The following IAH1 variants were observed in gnomAD, a reference collection of about 807,000 sequenced individuals.
IAH1 encodes isoamyl acetate hydrolyzing esterase 1 (putative).
A neutral mutation model predicts 26.7 loss-of-function variants in IAH1; 24 were observed. The observed-to-expected ratio is 0.90, with a 90% CI of 0.65 to 1.26. IAH1 has a LOEUF of 1.26. Among genes scored for constraint, IAH1 ranks in the 50% most tolerant of loss-of-function variants. IAH1 has a pLI of 0.00. For synonymous variants in IAH1, 140 were observed against 118.5 expected, an observed-to-expected ratio of 1.18 and a Z score of -1.18; for missense variants, 300 against 299.9, an observed-to-expected ratio of 1.00 and a Z score of 0.00.
At chr2:9,484,110 C>G (rs1661342881) in intron 4 of IAH1, among the ~76,000 whole-genome samples, 1 of 152,152 alleles carries the variant, frequency 6.6e-6, no homozygotes, top group Admixed American at 6.6e-5. Flanking sequence ...CGGCACTCTC[C>G]AAGCAGCCCA....
At chr2:9,478,197 A>G in intron 2 of IAH1, 25 bp from the exon 3 acceptor site, 1 of 1,588,852 alleles carries the variant, frequency 6.3e-7, no homozygotes, top group Middle Eastern at 1.7e-4. Context: ...CCCACAATTC[A>G]TCTTTTTAAA....
At chr2:9,497,374 G>A (rs1023949784), downstream of IAH1, 31 of 1,233,128 alleles carry the variant, frequency 2.5e-5, no homozygotes, top group Non-Finnish European at 3.5e-5. Context: ...GTGACCTACA[G>A]AGCTAGGACA....
At chr2:9,497,684 T>C (rs1446982973), downstream of IAH1, among the ~76,000 whole-genome samples, 3 of 152,328 alleles carry the variant, frequency 2.0e-5, no homozygotes, top group East Asian at 3.9e-4. Flanking sequence ...GTTCCTTCAA[T>C]ATTAACAGAT....
At chr2:9,501,521 G>A (rs1262937744), downstream of IAH1, among the ~76,000 whole-genome samples, 1 of 152,198 alleles carries the variant, frequency 6.6e-6, no homozygotes, top group Non-Finnish European at 1.5e-5. Flanking sequence ...GGCAATGGAA[G>A]TAGCTACCAC....
At position 9,475,983 on chromosome 2, in the gene IAH1, C is replaced by T. The variant is rs1296714836; in HGVS notation, c.82-4C>T. ...GTAGTAATAATGGGCTTTTCTTCCT[C>T]CAGTTTTCCTTCCAGCAGGGTGGAT... On this transcript the variant is annotated splice_polypyrimidine_tract_variant and splice_region_variant and intron_variant, in intron 1 of 5. Coordinates refer to ENST00000497473, the MANE Select transcript of IAH1 (RefSeq NM_001039613.3). The T allele has an allele frequency of 6.2e-7, 1 of 1,613,298 alleles. No homozygotes were observed. The highest frequency in any genetic ancestry group is 8.5e-7 in the Non-Finnish European group (1 of 1,179,712).
the IAH1 span, chr2:9,510,144 G>T: frequency 6.2e-7 from 1 of 1,613,740 alleles, no homozygotes; most frequent in South Asian, 1.1e-5. Context: ...TAAGGATCAT[G>T]CAAAGAAAAC....
At chr2:9,483,353 C>T (rs1186135528) in intron 4 of IAH1, among the ~76,000 whole-genome samples, 4 of 152,198 alleles carry the variant, frequency 2.6e-5, no homozygotes, top group Non-Finnish European at 4.4e-5. Flanking sequence ...AGGTGATCTT[C>T]TTGCCTCAGC....
At chr2:9,510,051 G>T in the IAH1 span, 1 of 1,613,984 alleles carries the variant, frequency 6.2e-7, no homozygotes, top group Non-Finnish European at 8.5e-7. Context: ...CCTCATTCGG[G>T]GCACATTCTG....
the IAH1 span, chr2:9,505,435 T>C: frequency 1.4e-6 from 2 of 1,475,752 alleles, no homozygotes; most frequent in Non-Finnish European, 9.4e-7. Context: ...AATGTTTGTG[T>C]CTTCTCTAGA....
intron 5 of IAH1, 26 bp from the exon 6 acceptor site, chr2:9,488,121 C>G (rs750799147): frequency 2.6e-6 from 4 of 1,551,586 alleles, no homozygotes; most frequent in East Asian, 2.3e-5. Flanking sequence ...AGTTACCCAC[C>G]TTTAACCGAT....
rs556337524 is a variant in IAH1, at chr2:9,487,809, T to C, written c.565-338T>C. On this transcript the variant is annotated intron_variant, in intron 5 of 5. Transcript: ENST00000497473. ...CTTTTTGTGTGTGTGTGTGTGTGTGTGTGTGTGTGTGTGTGTGTGTGTGTG... is the reference window on the plus strand; with the variant it reads ...CTTTTTGTGTGTGTGTGTGTGTGTGCGTGTGTGTGTGTGTGTGTGTGTGTG... 3.5e-3 allele frequency among the ~76,000 whole-genome samples: 327 copies of C among 92,864 alleles called. 1 individual carries two copies. Among genetic ancestry groups the C allele is most frequent in the Non-Finnish European group, 5.6e-3 (225 of 40,044 alleles). The allele number at this position is 92,864 out of a possible 152,430, so 60.9% of individuals were successfully genotyped here.
chr2:9,506,163 T>C, the IAH1 span, among the ~76,000 whole-genome samples: 2 of 152,010 alleles, frequency 1.3e-5, no homozygotes, highest in East Asian at 3.9e-4. Context: ...TCCAAAGTGC[T>C]CTGCAGATGC....
downstream of IAH1, among the ~76,000 whole-genome samples, chr2:9,497,469 C>T (rs55820761): frequency 2.7e-3 from 404 of 152,318 alleles, 13 homozygotes; most frequent in East Asian, 0.067. Context: ...CCCTGGCCTC[C>T]CAAGCCCCAG....
the IAH1 span, chr2:9,502,360 C>A: frequency 5.9e-6 from 7 of 1,194,170 alleles, no homozygotes; most frequent in South Asian, 9.0e-5. Flanking sequence ...GTTACAGTGA[C>A]CTGAAGATCA....
the IAH1 span, among the ~76,000 whole-genome samples, chr2:9,503,853 G>GA: frequency 4.0e-5 from 5 of 124,162 alleles, no homozygotes; most frequent in African/African-American, 1.7e-4. Context: ...AAAAAAAAAA[G>GA]AAATAAAAGA....
downstream of IAH1, chr2:9,490,542 AT>A (rs769600897): frequency 3.8e-6 from 6 of 1,592,322 alleles, no homozygotes; most frequent in South Asian, 6.8e-5. Flanking sequence ...GGTTCAATTG[AT>A]TGATAGGAAT....
At chr2:9,481,152 CTCTT>C (rs1403572542) in intron 3 of IAH1, 130 bp from the exon 4 acceptor site, 1 of 930,414 alleles carries the variant, frequency 1.1e-6, no homozygotes, top group Non-Finnish European at 1.6e-6. Flanking sequence ...AGAAAACCTT[CTCTT>C]TGTGTCCTTG....
chr2:9,503,199 T>C, the IAH1 span, among the ~76,000 whole-genome samples: 1 of 147,704 alleles, frequency 6.8e-6, no homozygotes, highest in Admixed American at 6.7e-5. Flanking sequence ...AGGCAATCCA[T>C]AGCTAAGACA....
Position 9,474,676 on chromosome 2 carries a change from G to A in IAH1, c.81+29G>A. 1 of 1,496,224 alleles carries A rather than the reference G, an allele frequency of 6.7e-7. No homozygotes were observed. Among genetic ancestry groups the A allele is most frequent in the East Asian group, 2.7e-5 (1 of 37,248 alleles). 92.7% of individuals were successfully genotyped at this position (1,496,224 alleles called of 1,614,324 possible). A position where few individuals can be genotyped will look rare whatever the true frequency, so the allele number is the denominator to read the frequency against. On this transcript the variant is annotated intron_variant, in intron 1 of 5. Coordinates refer to ENST00000497473, the MANE Select transcript of IAH1 (RefSeq NM_001039613.3). This position sits in a 1 kb window ranked among gnomAD's most constrained non-coding sequence, Gnocchi z 4.3. ...CGGCCGCCCCGACGCTCGGCCTCCC[G>A]CCCCGGCCTCCCTGCGGGGTCGCTG...
Sources: gnomAD v4.1 joint callset for allele counts (sites outside exome capture counted in the v4.1 genomes callset) on GRCh38, gnomAD v4.1.1 for gene constraint, Gnocchi (gnomAD v3.1) non-coding constraint, MANE v1.5 for transcripts, NCBI Gene and HGNC (gene_info 2026-07-23, HGNC 2026-07-21) for gene names.